The following DIS3L2 variants were observed in gnomAD, a reference collection of about 807,000 sequenced individuals.
DIS3L2 encodes DIS3-like exonuclease 2.
DIS3L2 carries 34 observed loss-of-function variants against 97.5 expected under a neutral mutation model. The observed-to-expected ratio is 0.35, with a 90% CI of 0.27 to 0.46. The LOEUF (loss-of-function observed/expected upper bound fraction) is 0.46. Among genes scored for constraint, DIS3L2 ranks in the 20% least tolerant of loss-of-function variants. The pLI is 1.00. For missense variants in DIS3L2, 1,038 were observed against 1,146.0 expected (o/e 0.91, Z 1.36); for synonymous variants, 435 against 445.2 (o/e 0.98, Z 0.29).
chr2:232,102,162 C>T (rs746844666), intron 6 of DIS3L2, among the ~76,000 whole-genome samples: 5 of 152,210 alleles, frequency 3.3e-5, no homozygotes, highest in Non-Finnish European at 7.3e-5. Flanking sequence ...AATCAAGCCT[C>T]TAGCCCTAAC....
chr2:232,012,002 C>G (rs1694213649), intron 1 of DIS3L2, among the ~76,000 whole-genome samples: 1 of 152,220 alleles, frequency 6.6e-6, no homozygotes, highest in Non-Finnish European at 1.5e-5. Flanking sequence ...ATCTTTCCAT[C>G]TCCTTCTAGT....
At chr2:232,242,905 T>G (rs1388214584) in intron 11 of DIS3L2, among the ~76,000 whole-genome samples, 1 of 152,234 alleles carries the variant, frequency 6.6e-6, no homozygotes, top group Non-Finnish European at 1.5e-5. Flanking sequence ...CTTATCAGTC[T>G]TCCTCCACTT....
chr2:232,145,698 T>C (rs1016333541), intron 8 of DIS3L2, among the ~76,000 whole-genome samples: 3 of 152,218 alleles, frequency 2.0e-5, no homozygotes, highest in Non-Finnish European at 4.4e-5. Flanking sequence ...GAAGTACTTA[T>C]CTTTGAGTTT....
At chr2:232,158,009 G>A (rs564564499) in intron 8 of DIS3L2, among the ~76,000 whole-genome samples, 16 of 152,204 alleles carry the variant, frequency 1.1e-4, no homozygotes, top group Admixed American at 3.3e-4. Flanking sequence ...CTTTTCCCTA[G>A]ATGCCCTTGT....
chr2:232,067,196 A>G (rs1044654363), intron 5 of DIS3L2, among the ~76,000 whole-genome samples: 1 of 151,922 alleles, frequency 6.6e-6, no homozygotes, highest in Admixed American at 6.5e-5. Flanking sequence ...TTAGCTTCTT[A>G]TACTTCCCAC....
chr2:232,206,886 CG>C (rs1207619735), intron 9 of DIS3L2, among the ~76,000 whole-genome samples: 2 of 152,142 alleles, frequency 1.3e-5, no homozygotes, highest in African/African-American at 4.8e-5. Context: ...AAGTCTTACA[CG>C]GTCACATATG....
At chr2:232,210,046 C>T (rs1400822432) in intron 9 of DIS3L2, among the ~76,000 whole-genome samples, 2 of 152,180 alleles carry the variant, frequency 1.3e-5, no homozygotes, top group Non-Finnish European at 1.5e-5. Context: ...TGAGAAGCCT[C>T]GTTCATGGAA....
At chr2:232,221,192 G>C (rs1336038997) in intron 10 of DIS3L2, among the ~76,000 whole-genome samples, 1 of 151,910 alleles carries the variant, frequency 6.6e-6, no homozygotes, top group African/African-American at 2.4e-5. Context: ...ATAATGCCAA[G>C]GGACCGGAAT....
At chr2:232,098,188 A>T (rs1697082887) in intron 6 of DIS3L2, among the ~76,000 whole-genome samples, 1 of 152,148 alleles carries the variant, frequency 6.6e-6, no homozygotes, top group South Asian at 2.1e-4. Context: ...AAGTTTACAA[A>T]AGAAATATAC....
chr2:232,202,906 A>G (rs149995344), intron 9 of DIS3L2, among the ~76,000 whole-genome samples: 1 of 152,356 alleles, frequency 6.6e-6, no homozygotes, highest in Non-Finnish European at 1.5e-5. Context: ...GCGCAGCCCC[A>G]CTGAGCAAGG....
At chr2:232,010,673 T>A (rs1167894692) in intron 1 of DIS3L2, among the ~76,000 whole-genome samples, 1 of 152,184 alleles carries the variant, frequency 6.6e-6, no homozygotes, top group East Asian at 1.9e-4. Context: ...CCATTTGCTC[T>A]GATACTCGTA....
At chr2:232,019,543 C>T (rs1694454980) in intron 3 of DIS3L2, among the ~76,000 whole-genome samples, 1 of 138,474 alleles carries the variant, frequency 7.2e-6, no homozygotes, top group South Asian at 2.4e-4. Flanking sequence ...CAGAGTGAGA[C>T]CCTGTCTCTC....
chr2:232,024,218 C>A (rs373997654), intron 3 of DIS3L2, 59 bp from the exon 4 acceptor site: 10 of 1,273,848 alleles, frequency 7.9e-6, no homozygotes, highest in Non-Finnish European at 1.1e-5. Flanking sequence ...GAATAACATA[C>A]GTGGAAAAAT....
At position 232,087,497 on chromosome 2, in the gene DIS3L2, C is replaced by T. The variant is rs2106309228; in HGVS notation, c.377C>T (p.Pro126Leu). 1 of 1,610,160 alleles carries T rather than the reference C, an allele frequency of 6.2e-7. No individual in the cohort carries two copies. Among genetic ancestry groups the T allele is most frequent in the Non-Finnish European group, 8.5e-7 (1 of 1,177,872 alleles). ...TTCTGTTTTCTTTAGGTAGTTAAAC[C>T]AGAGAGCAATGACAAAGAAACAGAA... ...LPEEHWKVVKPESNDKETEAA... is the reference protein window; with the variant it reads ...LPEEHWKVVKLESNDKETEAA... The change falls in exon 6 of 21, where the codon CCA becomes CTA. Residue 126 changes from proline (P) to leucine (L), a missense_variant. Pro to Leu is a moderately conservative substitution (Grantham distance 98, BLOSUM62 -3). Coordinates refer to ENST00000325385, the MANE Select transcript of DIS3L2 (RefSeq NM_152383.5).
chr2:232,163,360 A>G lies in DIS3L2; in HGVS notation c.951-99A>G, dbSNP rs3116181. ...GTTTCTACTGGTGGAAGGGCAGGAG[A>G]TTTTAAACTTTCCCACTACTTTACT... On this transcript the variant is annotated intron_variant, in intron 8 of 20. Transcript: ENST00000325385. The G allele has an allele frequency of 0.56, 703,818 of 1,260,272 alleles. 208,895 individuals carry two copies. Among genetic ancestry groups the G allele is most frequent in the Non-Finnish European group, 0.62 (566,051 of 915,722 alleles). The allele number at this position is 1,260,272 out of a possible 1,614,324, so 78.1% of individuals were successfully genotyped here.
At chr2:232,056,595 C>A (rs1160458990) in intron 5 of DIS3L2, among the ~76,000 whole-genome samples, 1 of 151,918 alleles carries the variant, frequency 6.6e-6, no homozygotes, top group African/African-American at 2.4e-5. Context: ...AAAAAACAGA[C>A]AACAAATAGA....
intron 5 of DIS3L2, among the ~76,000 whole-genome samples, chr2:232,084,453 T>G (rs1696509711): frequency 6.6e-6 from 1 of 152,196 alleles, no homozygotes; most frequent in South Asian, 2.1e-4. Context: ...ATGTTGATGC[T>G]CAAAAAGTTT....
chr2:231,962,180 G>A (rs1692578263), intron 1 of DIS3L2, among the ~76,000 whole-genome samples: 1 of 152,184 alleles, frequency 6.6e-6, no homozygotes, highest in Non-Finnish European at 1.5e-5. Flanking sequence ...GGGAGCCTCG[G>A]GAATCTTGAA....
chr2:232,010,128 A>G lies in DIS3L2; in HGVS notation c.-93-4707A>G, dbSNP rs1292529749. On this transcript the variant is annotated intron_variant, in intron 1 of 20. Transcript: ENST00000325385. ...ATTCAGTAGATTTTCTTGGACCAGC[A>G]CTTCTCAAATTTGTTGTAATGTTTT... 3.3e-5 allele frequency among the ~76,000 whole-genome samples: 5 copies of G among 152,278 alleles called. No homozygotes were observed. The East Asian group carries it at 7.7e-4, about 24-fold the overall frequency.
Sources: gnomAD v4.1 joint callset for allele counts (sites outside exome capture counted in the v4.1 genomes callset) on GRCh38, gnomAD v4.1.1 for gene constraint, MANE v1.5 for transcripts, NCBI Gene and HGNC (gene_info 2026-07-23, HGNC 2026-07-21) for gene names.